CEP85L: variants seen among roughly 807,000 people sequenced by gnomAD.
The protein encoded by CEP85L is centrosomal protein 85L.
In CEP85L, 60 loss-of-function variants were observed where a neutral mutation model predicts 100.3. The ratio of observed to expected loss-of-function variants is 0.60; its 90% CI spans 0.49 to 0.74. CEP85L has a LOEUF of 0.74. Among genes scored for constraint, CEP85L ranks in the 30% least tolerant of loss-of-function variants. CEP85L has a pLI of 0.00. For synonymous variants in CEP85L, 319 were observed against 322.7 expected (o/e 0.99, Z 0.12); for missense variants, 973 against 936.2 (o/e 1.04, Z -0.51).
At chr6:118,470,316 A>G (rs1227387343) in intron 11 of CEP85L, among the ~76,000 whole-genome samples, 1 of 152,086 alleles carries the variant, frequency 6.6e-6, no homozygotes, top group Non-Finnish European at 1.5e-5. Context: ...AATAAATATA[A>G]TAAATATATA....
chr6:118,578,713 G>T (rs1027258411), intron 2 of CEP85L, among the ~76,000 whole-genome samples: 1 of 152,078 alleles, frequency 6.6e-6, no homozygotes, highest in Non-Finnish European at 1.5e-5. Flanking sequence ...TGGTGACCGG[G>T]CAAGACTCCA....
intron 2 of CEP85L, among the ~76,000 whole-genome samples, chr6:118,587,696 G>C (rs890221954): frequency 1.3e-5 from 2 of 152,094 alleles, no homozygotes; most frequent in Non-Finnish European, 2.9e-5. Context: ...AAGACATCTG[G>C]ACTGACACCC....
intron 3 of CEP85L, chr6:118,558,860 T>A: frequency 8.1e-7 from 1 of 1,240,372 alleles, no homozygotes; most frequent in Non-Finnish European, 1.2e-6. Flanking sequence ...CATATTTGGC[T>A]GCCAGCTTTT....
At chr6:118,691,052 G>A (rs1344300407) in intron 1 of CEP85L, among the ~76,000 whole-genome samples, 3 of 151,868 alleles carry the variant, frequency 2.0e-5, no homozygotes, top group African/African-American at 7.3e-5. Context: ...AAAGAAAGAG[G>A]GAGAGACAGT....
At chr6:118,672,290 G>C (rs2115429128) in intron 1 of CEP85L, among the ~76,000 whole-genome samples, 1 of 152,234 alleles carries the variant, frequency 6.6e-6, no homozygotes, top group African/African-American at 2.4e-5. Flanking sequence ...TGCCCACCTT[G>C]GCCTCCCAAA....
intron 1 of CEP85L, among the ~76,000 whole-genome samples, chr6:118,683,354 C>A (rs937988564): frequency 6.6e-6 from 1 of 152,070 alleles, no homozygotes. Context: ...TTTCTTCCCC[C>A]ACATTGAATG....
intron 2 of CEP85L, among the ~76,000 whole-genome samples, chr6:118,615,337 A>G (rs1456360628): frequency 6.6e-6 from 1 of 152,146 alleles, no homozygotes; most frequent in Non-Finnish European, 1.5e-5. Context: ...CCCAGACTTC[A>G]ATATTCTAAG....
At chr6:118,583,308 C>G (rs1420995899) in intron 2 of CEP85L, among the ~76,000 whole-genome samples, 1 of 152,076 alleles carries the variant, frequency 6.6e-6, no homozygotes, top group African/African-American at 2.4e-5. Context: ...GATACTGAAG[C>G]CAGTCTCTTG....
chr6:118,617,335 C>T (rs970542457), intron 2 of CEP85L, among the ~76,000 whole-genome samples: 1 of 152,154 alleles, frequency 6.6e-6, no homozygotes, highest in African/African-American at 2.4e-5. Flanking sequence ...CCCCCGAAAC[C>T]AGAGTTAAAG....
chr6:118,587,037 G>A (rs1780901115), intron 2 of CEP85L, among the ~76,000 whole-genome samples: 1 of 152,120 alleles, frequency 6.6e-6, no homozygotes, highest in Non-Finnish European at 1.5e-5. Context: ...TTAGTAATAC[G>A]TCGCACCATC....
At chr6:118,592,900 G>A (rs1165832957) in intron 2 of CEP85L, among the ~76,000 whole-genome samples, 1 of 152,022 alleles carries the variant, frequency 6.6e-6, no homozygotes, top group Non-Finnish European at 1.5e-5. Context: ...GTATAAATTT[G>A]GTGTGTACAA....
chr6:118,522,650 G>C (rs1776731333), intron 4 of CEP85L, among the ~76,000 whole-genome samples: 1 of 152,172 alleles, frequency 6.6e-6, no homozygotes. Context: ...GACCGAGGCA[G>C]GTGGATCACT....
rs756623321 is a variant in CEP85L, at chr6:118,465,516, G to A, written c.2307C>T (p.Leu769=). The change falls in exon 13 of 13, where the codon CTC becomes CTT. Residue 769 remains leucine (L), a synonymous_variant. Transcript: ENST00000368491. ...ETENDHSTET[L]TKKLSDVCQL... ...GGCACACATCTGACAGCTTTTTAGT[G>A]AGTGTTTCTGTGCTGTGGTCATTCT... 4.3e-6 allele frequency: 7 copies of A among 1,613,576 alleles called. 1 individual carries two copies. The South Asian group carries it at 7.7e-5, about 18-fold the overall frequency.
intron 2 of CEP85L, among the ~76,000 whole-genome samples, chr6:118,631,240 TAC>T (rs1031453868): frequency 5.3e-5 from 8 of 152,114 alleles, no homozygotes; most frequent in African/African-American, 1.7e-4. Flanking sequence ...CTCTAAAAAA[TAC>T]AGTCTATTTT....
chr6:118,571,933 C>A (rs986969187), intron 2 of CEP85L, among the ~76,000 whole-genome samples: 2 of 152,042 alleles, frequency 1.3e-5, no homozygotes, highest in Non-Finnish European at 2.9e-5. Flanking sequence ...CTCAGCTCAC[C>A]ACAACCTCTG....
At chr6:118,623,228 C>T (rs964321280) in intron 2 of CEP85L, among the ~76,000 whole-genome samples, 6 of 152,122 alleles carry the variant, frequency 3.9e-5, no homozygotes, top group African/African-American at 1.4e-4. Flanking sequence ...CATCATAAGG[C>T]CCCTCTGGGG....
chr6:118,533,059 T>G (rs1192321850), intron 3 of CEP85L, among the ~76,000 whole-genome samples: 2 of 151,896 alleles, frequency 1.3e-5, no homozygotes, highest in Admixed American at 1.3e-4. Context: ...GGGAAAAAGC[T>G]CTCAACCTAA....
At chr6:118,600,370 T>TGTGTG (rs58066356) in intron 2 of CEP85L, among the ~76,000 whole-genome samples, 3 of 86,360 alleles carry the variant, frequency 3.5e-5, no homozygotes, top group African/African-American at 8.4e-5. Flanking sequence ...TGTGTGTGTG[T>TGTGTG]AACGCCATGG....
upstream of CEP85L, among the ~76,000 whole-genome samples, chr6:118,654,315 C>A (rs1234595465): frequency 6.6e-6 from 1 of 151,966 alleles, no homozygotes; most frequent in Non-Finnish European, 1.5e-5. Flanking sequence ...AAACCCCATG[C>A]ATAATATGAG....
Sources: gnomAD v4.1 joint callset for allele counts (sites outside exome capture counted in the v4.1 genomes callset) on GRCh38, gnomAD v4.1.1 for gene constraint, MANE v1.5 for transcripts, NCBI Gene and HGNC (gene_info 2026-07-23, HGNC 2026-07-21) for gene names.